EZH2: variants seen among roughly 807,000 people sequenced by gnomAD.
EZH2 encodes histone-lysine N-methyltransferase EZH2.
Under a neutral mutation model 98.4 loss-of-function variants are expected in EZH2, and 18 were observed. That is an observed-to-expected ratio of 0.18 (90% CI 0.13 to 0.27). EZH2 has a LOEUF of 0.27. EZH2 is among the 10% of genes least tolerant of loss of function. EZH2 has a pLI of 1.00. For synonymous variants in EZH2, 338 were observed against 312.3 expected (o/e 1.08, Z -0.87); for missense variants, 470 against 935.1 (o/e 0.50, Z 6.49).
chr7:148,851,789 T>C (rs911336938), intron 1 of EZH2, among the ~76,000 whole-genome samples: 2 of 152,160 alleles, frequency 1.3e-5, no homozygotes, highest in Admixed American at 1.3e-4. Flanking sequence ...GAGGATCTCT[T>C]GAGCCTGTGA....
Position 148,871,545 on chromosome 7 carries a change from A to G in EZH2, c.-8+12619T>C, listed in dbSNP as rs553356533. ...TACAAAAAGCCCACCCACCCTATAC[A>G]CAAGTTTCACATCCCACAAATAGTG... On this transcript the variant is annotated intron_variant, in intron 1 of 19. Transcript: ENST00000320356. Among the ~76,000 whole-genome samples, 78 of 150,482 alleles carry G rather than the reference A, an allele frequency of 5.2e-4. No homozygotes were observed. The Middle Eastern group carries it at 0.01, about 20-fold the overall frequency.
At chr7:148,866,178 A>G (rs184802773) in intron 1 of EZH2, among the ~76,000 whole-genome samples, 1 of 152,294 alleles carries the variant, frequency 6.6e-6, no homozygotes, top group Admixed American at 6.5e-5. Context: ...CCGGGGTACT[A>G]CAAAATTTCA....
chr7:148,879,493 C>T lies in EZH2; in HGVS notation c.-8+4671G>A, dbSNP rs556411966. On this transcript the variant is annotated intron_variant, in intron 1 of 19. Coordinates refer to ENST00000320356, the MANE Select transcript of EZH2 (RefSeq NM_004456.5). ...ATCACCTGAGGTCGGGAGTTCGAGA[C>T]CAGCCTGGCCAACATGGTGAAATCC... Among the ~76,000 whole-genome samples, 4 of 152,034 alleles carry T rather than the reference C, an allele frequency of 2.6e-5. No homozygotes were observed. In the South Asian group the frequency reaches 8.3e-4, roughly 32 times the overall value.
intron 3 of EZH2, among the ~76,000 whole-genome samples, chr7:148,833,367 G>GA (rs1809934685): frequency 6.6e-6 from 1 of 151,658 alleles, no homozygotes; most frequent in South Asian, 2.1e-4. Context: ...TGAGGCAGGA[G>GA]AATGGCGTGA....
intron 3 of EZH2, among the ~76,000 whole-genome samples, chr7:148,840,751 A>G (rs982179107): frequency 6.6e-6 from 1 of 152,186 alleles, no homozygotes; most frequent in Non-Finnish European, 1.5e-5. Context: ...GTAAGACAGA[A>G]TCCTAAGGAG....
rs1818493893 is a variant in EZH2 at position 148,866,528 on chromosome 7, A to ATATATATACGTATATACG, written c.-8+17635_-8+17636insCGTATATACGTATATATA. On this transcript the variant is annotated intron_variant, in intron 1 of 19. Transcript: ENST00000320356. ...TATATACATATATATGTGTATATAC[A>ATATATATACGTATATACG]TATATATACGTATATACATATATAT... 2.9e-5 allele frequency among the ~76,000 whole-genome samples: 3 copies of ATATATATACGTATATACG among 103,336 alleles called. No homozygotes were observed. The Admixed American group carries it at 3.4e-4, about 12-fold the overall frequency. The allele number at this position is 103,336 out of a possible 152,430, so 67.8% of individuals were successfully genotyped here.
At chr7:148,882,121 T>TCCA (rs1821095296) in intron 1 of EZH2, among the ~76,000 whole-genome samples, 1 of 152,170 alleles carries the variant, frequency 6.6e-6, no homozygotes, top group Non-Finnish European at 1.5e-5. Context: ...ATATAAACGT[T>TCCA]ACTTTTTTGT....
chr7:148,808,357 A>G (rs1182982533), intron 19 of EZH2, among the ~76,000 whole-genome samples: 2 of 152,240 alleles, frequency 1.3e-5, no homozygotes, highest in African/African-American at 4.8e-5. Context: ...ATTAAAGGCC[A>G]GCCTGAATAT....
chr7:148,871,820 C>T (rs1250092536), intron 1 of EZH2, among the ~76,000 whole-genome samples: 3 of 152,050 alleles, frequency 2.0e-5, no homozygotes, highest in Non-Finnish European at 2.9e-5. Context: ...ACTGATCCTC[C>T]CACCCCAGCC....
At chr7:148,854,267 T>C (rs909347055) in intron 1 of EZH2, among the ~76,000 whole-genome samples, 10 of 152,090 alleles carry the variant, frequency 6.6e-5, no homozygotes, top group Admixed American at 5.2e-4. Flanking sequence ...AAACCCCGTC[T>C]CTACTAAAAA....
intron 1 of EZH2, among the ~76,000 whole-genome samples, chr7:148,866,256 T>C (rs1398437673): frequency 1.3e-5 from 2 of 152,076 alleles, no homozygotes; most frequent in Non-Finnish European, 2.9e-5. Context: ...GGTCTGAAGG[T>C]GTCCCTCAAA....
chr7:148,882,318 T>C (rs1338648094), intron 1 of EZH2, among the ~76,000 whole-genome samples: 1 of 152,232 alleles, frequency 6.6e-6, no homozygotes, highest in African/African-American at 2.4e-5. Context: ...CCTATGTTTT[T>C]CTAACTTGTT....
At chr7:148,845,026 C>T (rs79353083) in intron 3 of EZH2, among the ~76,000 whole-genome samples, 5 of 152,094 alleles carry the variant, frequency 3.3e-5, no homozygotes, top group Non-Finnish European at 7.4e-5. Context: ...TACAAAGTAC[C>T]TAGCACAGTG....
At chr7:148,810,713 AAT>A (rs1038889680) in intron 16 of EZH2, among the ~76,000 whole-genome samples, 2 of 152,154 alleles carry the variant, frequency 1.3e-5, no homozygotes, top group Admixed American at 1.3e-4. Flanking sequence ...TCACGCCTGT[AAT>A]CCCAGCACTT....
At chr7:148,835,188 G>A (rs1315273857) in intron 3 of EZH2, among the ~76,000 whole-genome samples, 2 of 152,158 alleles carry the variant, frequency 1.3e-5, no homozygotes, top group African/African-American at 4.8e-5. Context: ...GGCAGGCCAA[G>A]ACGGGCAGAT....
intron 1 of EZH2, among the ~76,000 whole-genome samples, chr7:148,863,757 C>T (rs1818044676): frequency 6.6e-6 from 1 of 152,192 alleles, no homozygotes; most frequent in Non-Finnish European, 1.5e-5. Flanking sequence ...CTGCAAAGTG[C>T]TAGAAGAAAC....
intron 1 of EZH2, among the ~76,000 whole-genome samples, chr7:148,853,092 G>A (rs1337534235): frequency 1.3e-5 from 2 of 152,160 alleles, no homozygotes; most frequent in East Asian, 3.9e-4. Flanking sequence ...GGATGAAACT[G>A]TTCCACCTCA....
chr7:148,813,857 CTT>C (rs925510813), intron 15 of EZH2, 100 bp downstream of exon 15: 85 of 1,242,176 alleles, frequency 6.8e-5, no homozygotes, highest in Non-Finnish European at 8.5e-5. Context: ...TCAAGGATCA[CTT>C]TTACTTTTTG....
intron 3 of EZH2, among the ~76,000 whole-genome samples, chr7:148,834,362 C>CATATATAT (rs1283044499): frequency 3.4e-5 from 5 of 147,790 alleles, no homozygotes; most frequent in African/African-American, 1.3e-4. Context: ...TACACACACA[C>CATATATAT]ACACACACAC....
Sources: allele counts gnomAD v4.1 joint callset (sites outside exome capture counted in the v4.1 genomes callset), GRCh38; gene constraint gnomAD v4.1.1; transcripts MANE v1.5; gene names NCBI Gene and HGNC (gene_info 2026-07-23, HGNC 2026-07-21).